The following HS3ST2 variants were observed in gnomAD, a reference collection of about 807,000 sequenced individuals.
HS3ST2 encodes the protein heparan sulfate-glucosamine 3-sulfotransferase 2.
Under a neutral mutation model 26.3 loss-of-function variants are expected in HS3ST2, and 17 were observed. That is an observed-to-expected ratio of 0.65 (90% confidence interval 0.44 to 0.97). The LOEUF (loss-of-function observed/expected upper bound fraction) is 0.97. Ranked by LOEUF, HS3ST2 falls within the 50% of genes least tolerant of loss-of-function variation. The probability of loss-of-function intolerance (pLI) is 0.00; values close to 1 mark genes in which losing one functional copy is unlikely to be tolerated. For missense variants in HS3ST2, 402 were observed against 501.2 expected, an observed-to-expected ratio of 0.80 and a Z score of 1.89; for synonymous variants, 237 against 219.2, an observed-to-expected ratio of 1.08 and a Z score of -0.72.
At chr16:22,903,807 C>G (rs1383504754) in intron 1 of HS3ST2, among the ~76,000 whole-genome samples, 1 of 152,158 alleles carries the variant, frequency 6.6e-6, no homozygotes, top group African/African-American at 2.4e-5. Flanking sequence ...ATAGGCTTTA[C>G]TGGGGAAACT....
At chr16:22,903,461 G>A (rs1902306946) in intron 1 of HS3ST2, among the ~76,000 whole-genome samples, 1 of 152,178 alleles carries the variant, frequency 6.6e-6, no homozygotes, top group African/African-American at 2.4e-5. Context: ...CAAGTGACAA[G>A]ACTCAGGTCT....
chr16:22,836,549 T>C (rs1175470377), intron 1 of HS3ST2, among the ~76,000 whole-genome samples: 1 of 152,238 alleles, frequency 6.6e-6, no homozygotes, highest in African/African-American at 2.4e-5. Flanking sequence ...TACCTTTCTT[T>C]AGTTGCATGT....
chr16:22,857,638 G>A (rs1227422279), intron 1 of HS3ST2, among the ~76,000 whole-genome samples: 3 of 152,164 alleles, frequency 2.0e-5, no homozygotes, highest in Non-Finnish European at 4.4e-5. Flanking sequence ...ACACTGACCC[G>A]TTTGCTAATG....
rs117306111 is a variant in HS3ST2 at position 22,864,329 on chromosome 16, C to T, written c.485+49234C>T. ...CAGAAAGAGGGTTGATTATCAAGTT[C>T]CAAGGATATTTCATGGAACCAAACA... On this transcript the variant is annotated intron_variant, in intron 1 of 1. Transcript: ENST00000261374. Among the ~76,000 whole-genome samples, 552 of 152,220 alleles carry T rather than the reference C, an allele frequency of 3.6e-3. 15 individuals carry two copies. Among genetic ancestry groups the T allele is most frequent in the East Asian group, 0.033 (172 of 5,178 alleles).
chr16:22,850,632 C>T (rs1467805389), intron 1 of HS3ST2, among the ~76,000 whole-genome samples: 1 of 152,018 alleles, frequency 6.6e-6, no homozygotes, highest in Non-Finnish European at 1.5e-5. Context: ...ACTAAAAATA[C>T]AAAAATTAGC....
chr16:22,888,900 A>G (rs953397811), intron 1 of HS3ST2, among the ~76,000 whole-genome samples: 3 of 152,048 alleles, frequency 2.0e-5, no homozygotes, highest in African/African-American at 7.2e-5. Context: ...GTGCATTTCC[A>G]CCCTAAGCAT....
At chr16:22,832,478 A>G (rs554895449) in intron 1 of HS3ST2, among the ~76,000 whole-genome samples, 1 of 151,880 alleles carries the variant, frequency 6.6e-6, no homozygotes, top group South Asian at 2.1e-4. Context: ...ATGAGTTACA[A>G]TGTGGATGTG....
chr16:22,914,837 C>T, intron 1 of HS3ST2, 107 bp from the exon 2 acceptor site: 1 of 1,107,008 alleles, frequency 9.0e-7, no homozygotes, highest in Non-Finnish European at 1.3e-6. Context: ...GAACAGAGGC[C>T]AGGAGGAGGA....
rs186067973 is a variant in HS3ST2, at chr16:22,825,291, A to C, written c.485+10196A>C. On this transcript the variant is annotated intron_variant, in intron 1 of 1. Transcript: ENST00000261374. ...AATTACACATAAAAGTGCTCGAAAC[A>C]TCTGTGGCGCATGAGAGGTATTAAA... Among the ~76,000 whole-genome samples, 15 of 152,304 alleles carry C rather than the reference A, an allele frequency of 9.8e-5. No homozygotes were observed. The East Asian group carries it at 2.9e-3, about 29-fold the overall frequency.
At chr16:22,838,444 G>T (rs1276188477) in intron 1 of HS3ST2, among the ~76,000 whole-genome samples, 1 of 152,112 alleles carries the variant, frequency 6.6e-6, no homozygotes, top group Non-Finnish European at 1.5e-5. Flanking sequence ...TCCAGCAGCC[G>T]CAGAATGAGT....
rs1222603561 is a variant in HS3ST2, at chr16:22,915,178, G to A, written c.720G>A (p.Leu240=). ...CCTTCCGCAACCGCACCCTGGGCCT[G>A]GTGGACGTGTCATGGAACGCCATCC... ...GLSFRNRTLG[L]VDVSWNAIRI... is the part of the protein sequence containing the mutation. The change falls in exon 2 of 2, where the codon CTG becomes CTA. Residue 240 remains leucine, a synonymous_variant. Coordinates refer to ENST00000261374, the MANE Select transcript of HS3ST2 (RefSeq NM_006043.2). 22 of 1,614,018 alleles carry A rather than the reference G, an allele frequency of 1.4e-5. No homozygotes were observed. Among genetic ancestry groups the A allele is most frequent in the Non-Finnish European group, 1.8e-5 (21 of 1,180,036 alleles).
At chr16:22,817,476 T>G (rs1900888057) in intron 1 of HS3ST2, among the ~76,000 whole-genome samples, 2 of 152,358 alleles carry the variant, frequency 1.3e-5, no homozygotes, top group African/African-American at 4.8e-5. Context: ...CAGAACATCT[T>G]TCTGTATGTA....
rs149377916 is a variant in HS3ST2, at chr16:22,898,615, G to A, written c.486-16329G>A. 9.1e-4 allele frequency among the ~76,000 whole-genome samples: 138 copies of A among 152,282 alleles called. 2 individuals are homozygous for A. Among genetic ancestry groups the A allele is most frequent in the African/African-American group, 3.2e-3 (131 of 41,560 alleles). On this transcript the variant is annotated intron_variant, in intron 1 of 1. Coordinates refer to ENST00000261374, the MANE Select transcript of HS3ST2 (RefSeq NM_006043.2). ...AGTGTCTGCTAGTTCATCTTGCTGGGTTTTGCAAATGCCTTCCAGAACTGA... is the reference window on the plus strand; with the variant it reads ...AGTGTCTGCTAGTTCATCTTGCTGGATTTTGCAAATGCCTTCCAGAACTGA...
intron 1 of HS3ST2, among the ~76,000 whole-genome samples, chr16:22,880,466 C>T (rs900199725): frequency 6.6e-6 from 1 of 152,114 alleles, no homozygotes; most frequent in Non-Finnish European, 1.5e-5. Flanking sequence ...GGAAAAAAAC[C>T]TTCAGTAACA....
chr16:22,830,304 C>T (rs920712522), intron 1 of HS3ST2, among the ~76,000 whole-genome samples: 3 of 152,140 alleles, frequency 2.0e-5, no homozygotes, highest in East Asian at 1.9e-4. Context: ...TTTAGAGATC[C>T]GCTTGCTTGC....
At chr16:22,852,589 C>G (rs1596614546) in intron 1 of HS3ST2, among the ~76,000 whole-genome samples, 1 of 152,324 alleles carries the variant, frequency 6.6e-6, no homozygotes, top group East Asian at 1.9e-4. Context: ...GTGTCATCCT[C>G]TTTCTTGCCT....
At chr16:22,891,275 C>T (rs1053613601) in intron 1 of HS3ST2, among the ~76,000 whole-genome samples, 1 of 152,188 alleles carries the variant, frequency 6.6e-6, no homozygotes, top group Non-Finnish European at 1.5e-5. Flanking sequence ...AGCTAGCAAG[C>T]GCCTACTACG....
chr16:22,877,412 C>T (rs754341590), intron 1 of HS3ST2, among the ~76,000 whole-genome samples: 1 of 152,228 alleles, frequency 6.6e-6, no homozygotes, highest in Non-Finnish European at 1.5e-5. Flanking sequence ...GTTGACTCAA[C>T]ATGAGCAGAC....
intron 1 of HS3ST2, among the ~76,000 whole-genome samples, chr16:22,868,405 C>CAAA (rs77630354): frequency 0.06 from 2,579 of 42,712 alleles, 229 homozygotes; most frequent in East Asian, 0.29. Flanking sequence ...AAGACTCCAT[C>CAAA]AAAAAAAAAA....
Sources: gnomAD v4.1 joint callset for allele counts (sites outside exome capture counted in the v4.1 genomes callset) on GRCh38, gnomAD v4.1.1 for gene constraint, MANE v1.5 for transcripts, NCBI Gene and HGNC (gene_info 2026-07-23, HGNC 2026-07-21) for gene names.